The following PTPRD variants were observed in gnomAD, a reference collection of about 807,000 sequenced individuals.
PTPRD encodes the protein receptor-type tyrosine-protein phosphatase delta.
PTPRD carries 34 observed loss-of-function variants against 214.5 expected under a neutral mutation model. That is an observed-to-expected ratio of 0.16 (90% confidence interval 0.12 to 0.21). The LOEUF (loss-of-function observed/expected upper bound fraction) is 0.21, where lower values mean the gene tolerates loss of function less well. Ranked by LOEUF, PTPRD falls within the 10% of genes least tolerant of loss-of-function variation. The probability of loss-of-function intolerance (pLI) is 1.00; values close to 1 mark genes in which losing one functional copy is unlikely to be tolerated. For missense variants in PTPRD, 2,545 were observed against 2,398.7 expected, an observed-to-expected ratio of 1.06 and a Z score of -1.27; for synonymous variants, 1,128 against 845.7, an observed-to-expected ratio of 1.33 and a Z score of -5.79.
chr9:9,340,892 A>G (rs911934255), intron 9 of PTPRD, among the ~76,000 whole-genome samples: 2 of 152,158 alleles, frequency 1.3e-5, no homozygotes, highest in South Asian at 4.1e-4. Context: ...TCATTAGAAT[A>G]AACTACTAGT....
chr9:8,952,020 C>T (rs919758121), intron 11 of PTPRD, among the ~76,000 whole-genome samples: 6 of 151,928 alleles, frequency 3.9e-5, no homozygotes, highest in African/African-American at 1.5e-4. Context: ...TATATATACA[C>T]ATATATAAAA....
intron 12 of PTPRD, among the ~76,000 whole-genome samples, chr9:8,649,028 T>C (rs1010833272): frequency 1.3e-5 from 2 of 152,202 alleles, no homozygotes; most frequent in African/African-American, 4.8e-5. Flanking sequence ...AACTGGCTTA[T>C]TTGAAAAGGA....
At chr9:10,081,240 A>G (rs1196824130) in intron 3 of PTPRD, among the ~76,000 whole-genome samples, 2 of 152,170 alleles carry the variant, frequency 1.3e-5, no homozygotes, top group African/African-American at 4.8e-5. Context: ...ACTGTAATAT[A>G]GCAGTGTGCT....
chr9:9,859,456 A>C (rs1305093154), intron 5 of PTPRD, among the ~76,000 whole-genome samples: 1 of 152,196 alleles, frequency 6.6e-6, no homozygotes, highest in Non-Finnish European at 1.5e-5. Context: ...AAGGACGGGC[A>C]GAAGAAAACA....
At chr9:9,154,704 G>A (rs1029199186) in intron 10 of PTPRD, among the ~76,000 whole-genome samples, 9 of 152,104 alleles carry the variant, frequency 5.9e-5, no homozygotes, top group African/African-American at 2.2e-4. Flanking sequence ...CCAGCTCTTT[G>A]CATCTGCTCT....
intron 8 of PTPRD, among the ~76,000 whole-genome samples, chr9:9,496,293 C>A (rs2096182741): frequency 1.3e-5 from 2 of 151,790 alleles, no homozygotes; most frequent in Admixed American, 6.6e-5. Context: ...AAAGACAAAC[C>A]AGATAATGAG....
intron 3 of PTPRD, among the ~76,000 whole-genome samples, chr9:10,223,029 C>T (rs1166346328): frequency 6.6e-6 from 1 of 151,962 alleles, no homozygotes; most frequent in Non-Finnish European, 1.5e-5. Context: ...AAATTAGCAA[C>T]AATTTTAGAA....
intron 3 of PTPRD, among the ~76,000 whole-genome samples, chr9:10,133,137 G>C (rs940353758): frequency 6.6e-6 from 1 of 152,114 alleles, no homozygotes; most frequent in Non-Finnish European, 1.5e-5. Flanking sequence ...GTTTACCATG[G>C]TTGGTAAAGT....
chr9:10,219,343 T>C (rs1209657856), intron 3 of PTPRD, among the ~76,000 whole-genome samples: 1 of 151,920 alleles, frequency 6.6e-6, no homozygotes, highest in African/African-American at 2.4e-5. Flanking sequence ...TAAATACTGC[T>C]CCACACCTGC....
Position 10,602,764 on chromosome 9 carries a change from C to A in PTPRD, c.-600+9634G>T, listed in dbSNP as rs142433676. 8.7e-3 allele frequency among the ~76,000 whole-genome samples: 1,321 copies of A among 151,894 alleles called. 24 individuals are homozygous for A. The highest frequency in any genetic ancestry group is 0.03 in the African/African-American group (1,237 of 41,476). ...TTGGTTTTCTGCTTCCTACTCATTTCTTTGCTGATTATAATCAGTATCCTT... is the reference window on the plus strand; with the variant it reads ...TTGGTTTTCTGCTTCCTACTCATTTATTTGCTGATTATAATCAGTATCCTT... On this transcript the variant is annotated intron_variant, in intron 2 of 45. Coordinates refer to ENST00000381196, the MANE Select transcript of PTPRD (RefSeq NM_002839.4).
At position 9,580,066 on chromosome 9, in the gene PTPRD, TTG is replaced by T. The variant is rs1422958150; in HGVS notation, c.-286-5287_-286-5286del. Reference sequence around the variant, plus strand: ...TATGGCCGAATAGTGTTCCATACTATTGTGTGTGTATGTCTGCGTGTATTACA... The same window carrying T: ...TATGGCCGAATAGTGTTCCATACTATTGTGTGTATGTCTGCGTGTATTACA... On this transcript the variant is annotated intron_variant, in intron 7 of 45. Transcript: ENST00000381196. 6.6e-5 allele frequency among the ~76,000 whole-genome samples: 10 copies of T among 152,294 alleles called. No individual in the cohort carries two copies. The East Asian group carries it at 1.9e-3, about 29-fold the overall frequency.
At chr9:9,034,895 T>C (rs1801793189) in intron 10 of PTPRD, among the ~76,000 whole-genome samples, 1 of 152,140 alleles carries the variant, frequency 6.6e-6, no homozygotes, top group Admixed American at 6.6e-5. Context: ...ATTCATATGG[T>C]GCCTTTCTCT....
intron 11 of PTPRD, among the ~76,000 whole-genome samples, chr9:8,789,754 G>A (rs766897339): frequency 2.6e-5 from 4 of 152,046 alleles, no homozygotes; most frequent in South Asian, 2.1e-4. Context: ...ATCCCATATC[G>A]GGAGGGGGTG....
At chr9:9,471,688 T>C (rs2094597365) in intron 8 of PTPRD, among the ~76,000 whole-genome samples, 1 of 152,206 alleles carries the variant, frequency 6.6e-6, no homozygotes, top group South Asian at 2.1e-4. Context: ...TGCTCTCATG[T>C]ACTTATTTTG....
chr9:8,697,417 CT>C (rs752677458), intron 12 of PTPRD, among the ~76,000 whole-genome samples: 809 of 63,220 alleles, frequency 0.013, 5 homozygotes, highest in East Asian at 0.054. Flanking sequence ...TTTTTATGTA[CT>C]TTTTTTTTTT....
chr9:9,972,736 T>G (rs1241117939), intron 4 of PTPRD, among the ~76,000 whole-genome samples: 2 of 152,128 alleles, frequency 1.3e-5, no homozygotes, highest in African/African-American at 4.8e-5. Flanking sequence ...CTTTTTCAGC[T>G]TCTAGAGGCT....
chr9:9,223,403 T>C (rs1168512222), intron 9 of PTPRD, among the ~76,000 whole-genome samples: 3 of 151,998 alleles, frequency 2.0e-5, no homozygotes, highest in Non-Finnish European at 1.5e-5. Flanking sequence ...TTCCACACTT[T>C]AGAATGTTAA....
chr9:10,104,147 G>A (rs1021934427), intron 3 of PTPRD, among the ~76,000 whole-genome samples: 1 of 151,646 alleles, frequency 6.6e-6, no homozygotes, highest in Non-Finnish European at 1.5e-5. Context: ...TGGAATGGTG[G>A]GTGCCAGGGG....
At chr9:10,206,270 G>C (rs557289890) in intron 3 of PTPRD, among the ~76,000 whole-genome samples, 19 of 152,236 alleles carry the variant, frequency 1.2e-4, no homozygotes, top group African/African-American at 4.6e-4. Flanking sequence ...GTAGTAAAGG[G>C]TGCTGTGGAT....
Sources: allele counts gnomAD v4.1 joint callset (sites outside exome capture counted in the v4.1 genomes callset), GRCh38; gene constraint gnomAD v4.1.1; transcripts MANE v1.5; gene names NCBI Gene and HGNC (gene_info 2026-07-23, HGNC 2026-07-21).